CACNA2D3: variants seen among roughly 807,000 people sequenced by gnomAD.
The protein encoded by CACNA2D3 is calcium voltage-gated channel auxiliary subunit alpha2delta 3.
CACNA2D3 carries 60 observed loss-of-function variants against 160.6 expected under a neutral mutation model. The ratio of observed to expected loss-of-function variants is 0.37; its 90% confidence interval spans 0.30 to 0.46. The LOEUF (loss-of-function observed/expected upper bound fraction) is 0.46. Ranked by LOEUF, CACNA2D3 falls within the 20% of genes least tolerant of loss-of-function variation. The pLI, the probability that CACNA2D3 is intolerant of heterozygous loss-of-function variation, is 1.00. For synonymous variants in CACNA2D3, 558 were observed against 492.9 expected (o/e 1.13, Z -1.75); for missense variants, 1,205 against 1,365.0 (o/e 0.88, Z 1.85).
At chr3:54,260,219 A>T (rs562137004) in intron 2 of CACNA2D3, among the ~76,000 whole-genome samples, 1 of 152,214 alleles carries the variant, frequency 6.6e-6, no homozygotes, top group Non-Finnish European at 1.5e-5. Context: ...CTAGACCCCT[A>T]GAATTGACTG....
intron 3 of CACNA2D3, among the ~76,000 whole-genome samples, chr3:54,345,725 C>CCT (rs1698444701): frequency 6.6e-6 from 1 of 152,144 alleles, no homozygotes; most frequent in Non-Finnish European, 1.5e-5. Flanking sequence ...CCCCAAAGCA[C>CCT]CTCTAAGCCT....
At chr3:54,930,506 C>T (rs766868770) in intron 27 of CACNA2D3, among the ~76,000 whole-genome samples, 158 of 152,322 alleles carry the variant, frequency 1.0e-3, no homozygotes, top group Non-Finnish European at 1.7e-3. Context: ...ATCCAGATAT[C>T]TTAGACTTGG....
chr3:54,389,229 A>G (rs1699239749), intron 4 of CACNA2D3, among the ~76,000 whole-genome samples: 2 of 151,886 alleles, frequency 1.3e-5, no homozygotes, highest in South Asian at 2.1e-4. Context: ...TGGGAGGTGG[A>G]TGTTGGAGTC....
At chr3:54,625,896 G>A (rs1699087894) in intron 9 of CACNA2D3, among the ~76,000 whole-genome samples, 1 of 152,190 alleles carries the variant, frequency 6.6e-6, no homozygotes, top group Non-Finnish European at 1.5e-5. Context: ...GTCCTAAGCA[G>A]TGTGGCCAAT....
chr3:54,474,622 G>C (rs1700796276), intron 4 of CACNA2D3, among the ~76,000 whole-genome samples: 1 of 151,876 alleles, frequency 6.6e-6, no homozygotes, highest in Non-Finnish European at 1.5e-5. Context: ...ATTGAAGAAG[G>C]AGCTTCATTA....
At chr3:54,609,770 T>C (rs1698710766) in intron 9 of CACNA2D3, among the ~76,000 whole-genome samples, 2 of 152,270 alleles carry the variant, frequency 1.3e-5, no homozygotes, top group Non-Finnish European at 2.9e-5. Flanking sequence ...ATTTATTTTA[T>C]GGCATTTCCA....
chr3:54,386,846 G>A (rs1226787256), intron 4 of CACNA2D3, 72 bp downstream of exon 4: 3 of 1,353,556 alleles, frequency 2.2e-6, no homozygotes, highest in Non-Finnish European at 3.1e-6. Context: ...GGTATACCAG[G>A]AATACTGATT....
chr3:54,953,983 G>A (rs1701820668), intron 27 of CACNA2D3, among the ~76,000 whole-genome samples: 1 of 152,222 alleles, frequency 6.6e-6, no homozygotes, highest in African/African-American at 2.4e-5. Context: ...ACAGATTTCA[G>A]GAGTGCCATC....
At chr3:55,040,347 C>A (rs1703930173) in intron 35 of CACNA2D3, among the ~76,000 whole-genome samples, 2 of 152,134 alleles carry the variant, frequency 1.3e-5, no homozygotes, top group Admixed American at 1.3e-4. Flanking sequence ...AATCTCACTT[C>A]CTAACCATAT....
intron 35 of CACNA2D3, among the ~76,000 whole-genome samples, chr3:55,058,629 G>A (rs1559476258): frequency 2.0e-5 from 3 of 149,218 alleles, no homozygotes; most frequent in African/African-American, 7.5e-5. Context: ...ATATATATAT[G>A]TTTTTTTTAA....
intron 11 of CACNA2D3, among the ~76,000 whole-genome samples, chr3:54,722,544 G>T (rs1221129335): frequency 6.6e-6 from 1 of 152,164 alleles, no homozygotes; most frequent in Non-Finnish European, 1.5e-5. Flanking sequence ...CATCTTTGTG[G>T]AGTTATCTAC....
intron 5 of CACNA2D3, among the ~76,000 whole-genome samples, chr3:54,553,804 G>A (rs1450682236): frequency 3.9e-5 from 6 of 152,198 alleles, no homozygotes; most frequent in Non-Finnish European, 8.8e-5. Flanking sequence ...CAAGCACTAA[G>A]GCATCCATGA....
At chr3:54,295,160 A>G (rs566693796) in intron 2 of CACNA2D3, among the ~76,000 whole-genome samples, 74 of 152,290 alleles carry the variant, frequency 4.9e-4, no homozygotes, top group African/African-American at 1.5e-3. Context: ...AGCGAGAGCT[A>G]TGCCGAGAAG....
At chr3:54,325,855 T>TA (rs1018168084) in intron 3 of CACNA2D3, among the ~76,000 whole-genome samples, 6 of 152,198 alleles carry the variant, frequency 3.9e-5, no homozygotes, top group Non-Finnish European at 4.4e-5. Flanking sequence ...CACCTGTAAA[T>TA]AAACTTAATG....
chr3:54,846,521 C>A, intron 17 of CACNA2D3, 54 bp downstream of exon 17: 1 of 1,185,868 alleles, frequency 8.4e-7, no homozygotes, highest in South Asian at 1.4e-5. Context: ...TAAAAGATTT[C>A]CTTCAATTCA....
intron 2 of CACNA2D3, among the ~76,000 whole-genome samples, chr3:54,249,682 C>G: frequency 1.3e-5 from 2 of 151,444 alleles, no homozygotes; most frequent in African/African-American, 4.9e-5. Context: ...CACACACACA[C>G]ACACACACAC....
intron 4 of CACNA2D3, among the ~76,000 whole-genome samples, chr3:54,402,033 A>G (rs1014261207): frequency 6.6e-6 from 1 of 152,162 alleles, no homozygotes; most frequent in Non-Finnish European, 1.5e-5. Flanking sequence ...TTGTATGAGA[A>G]TGAAATTAAG....
Position 54,764,754 on chromosome 3 carries a change from C to T in CACNA2D3, c.1380+403C>T, listed in dbSNP as rs570370527. ...AATTGGGAATGTAACCAAAGCTCAG[C>T]TCTAATAATGAATTGGGGCCACCAT... On this transcript the variant is annotated intron_variant, in intron 13 of 37. Transcript: ENST00000474759. 5.9e-5 allele frequency among the ~76,000 whole-genome samples: 9 copies of T among 152,278 alleles called. No homozygotes were observed. The South Asian group carries it at 1.9e-3, about 32-fold the overall frequency.
In CACNA2D3 at chr3:54,161,581, T is replaced by C. The variant is rs1001394; in HGVS notation, c.204+37987T>C. Among the ~76,000 whole-genome samples the C allele has an allele frequency of 7.8e-3, 1,181 of 152,336 alleles. 8 individuals are homozygous for C. Among genetic ancestry groups the C allele is most frequent in the South Asian group, 0.02 (95 of 4,828 alleles). ...GGCTTAAGTGGCAACAGAAGAGTTG[T>C]TGATGACAAAGTTCTAAGCCAAGGA... On this transcript the variant is annotated intron_variant, in intron 2 of 37. Transcript: ENST00000474759.
Sources: allele counts gnomAD v4.1 joint callset (sites outside exome capture counted in the v4.1 genomes callset), GRCh38; gene constraint gnomAD v4.1.1; transcripts MANE v1.5; gene names NCBI Gene and HGNC (gene_info 2026-07-23, HGNC 2026-07-21).